Variants in ITGAM observed in about 807,000 individuals in gnomAD.
The protein encoded by ITGAM is integrin alpha-M.
ITGAM carries 79 observed loss-of-function variants against 137.5 expected under a neutral mutation model. That is an observed-to-expected ratio of 0.57 (90% confidence interval 0.48 to 0.69). The LOEUF is 0.69. Among genes scored for constraint, ITGAM ranks in the 30% least tolerant of loss-of-function variants. The pLI, the probability that ITGAM is intolerant of heterozygous loss-of-function variation, is 0.00. For synonymous variants in ITGAM, 583 were observed against 592.3 expected (o/e 0.98, Z 0.23); for missense variants, 1,343 against 1,483.5 (o/e 0.91, Z 1.56).
At chr16:31,280,212 C>T (rs896198909) in intron 12 of ITGAM, among the ~76,000 whole-genome samples, 3 of 152,152 alleles carry the variant, frequency 2.0e-5, no homozygotes, top group African/African-American at 4.8e-5. Context: ...ATTGACTTGG[C>T]AATGTGGGCT....
In ITGAM at chr16:31,277,538, A is replaced by C. The variant is rs41529552; in HGVS notation, c.1214-429A>C. Among the ~76,000 whole-genome samples the C allele has an allele frequency of 7.7e-3, 1,168 of 152,104 alleles. 21 individuals are homozygous for C. The highest frequency in any genetic ancestry group is 0.027 in the African/African-American group (1,122 of 41,506). On this transcript the variant is annotated intron_variant, in intron 11 of 29. Coordinates refer to ENST00000544665, the MANE Select transcript of ITGAM (RefSeq NM_000632.4). ...CATGCCCAGCTAATTTTGTATTTTT[A>C]GTAGAGATGGGATTTCTCCATGTCG...
At chr16:31,330,668 G>A in intron 28 of ITGAM, 63 bp downstream of exon 28, 1 of 1,197,530 alleles carries the variant, frequency 8.4e-7, no homozygotes, top group African/African-American at 1.5e-5. Context: ...GGAGATTTCT[G>A]GGGGAGGAGA....
In ITGAM at chr16:31,266,108, C is replaced by A. The variant is rs1436816980; in HGVS notation, c.388C>A (p.Leu130Ile). ...GCTCTGCTTCCTGTTTGGATCCAAC[C>A]TACGGCAGCAGCCCCAGAAGTTCCC... The part of the protein sequence containing the change: ...KGLCFLFGSN[L>I]RQQPQKFPEA... Residue 130 changes from leucine (L) to isoleucine (I), a missense_variant, in exon 5 of 30, where the codon CTA becomes ATA. By Grantham distance (5) the Leu-to-Ile change is conservative. Transcript: ENST00000544665. 3 of 1,613,790 alleles carry A rather than the reference C, an allele frequency of 1.9e-6. No homozygotes were observed. Among genetic ancestry groups the A allele is most frequent in the Non-Finnish European group, 2.5e-6 (3 of 1,179,884 alleles).
intron 12 of ITGAM, among the ~76,000 whole-genome samples, chr16:31,295,335 A>G (rs931328707): frequency 3.3e-5 from 5 of 152,074 alleles, no homozygotes; most frequent in Non-Finnish European, 7.4e-5. Flanking sequence ...TGAACATAGG[A>G]TATCTTTCCA....
chr16:31,314,268 A>C (rs188965414), intron 14 of ITGAM, among the ~76,000 whole-genome samples: 437 of 152,032 alleles, frequency 2.9e-3, no homozygotes, highest in African/African-American at 0.01. Flanking sequence ...CTTTTGTTGC[A>C]ATTGCTTTTG....
In ITGAM at chr16:31,262,369, T is replaced by A. The variant is rs577881684; in HGVS notation, c.134+572T>A. Among the ~76,000 whole-genome samples, 156 of 138,790 alleles carry A rather than the reference T, an allele frequency of 1.1e-3. 1 individual carries two copies. Among genetic ancestry groups the A allele is most frequent in the African/African-American group, 3.7e-3 (138 of 37,648 alleles). 91.1% of individuals were successfully genotyped at this position (138,790 alleles called of 152,430 possible). On this transcript the variant is annotated intron_variant, in intron 2 of 29. Coordinates refer to ENST00000544665, the MANE Select transcript of ITGAM (RefSeq NM_000632.4). ...CTTCCTTCCTTCCTTCCTTCCTTCC[T>A]TCCTTCCTTCCTTCCTTCCTTCCTT...
intron 1 of ITGAM, among the ~76,000 whole-genome samples, chr16:31,261,431 G>A (rs183219243): frequency 2.0e-5 from 3 of 151,720 alleles, no homozygotes; most frequent in East Asian, 1.9e-4. Flanking sequence ...ATCCTCCCAC[G>A]TCAGCCTCTT....
intron 9 of ITGAM, 21 bp from the exon 10 acceptor site, chr16:31,276,650 A>G (rs867321179): frequency 6.3e-7 from 1 of 1,589,944 alleles, no homozygotes; most frequent in Non-Finnish European, 8.6e-7. Context: ...TCTTTAATAT[A>G]GAAACTTCTC....
intron 5 of ITGAM, among the ~76,000 whole-genome samples, chr16:31,269,080 G>A (rs971038821): frequency 3.9e-5 from 6 of 152,156 alleles, no homozygotes; most frequent in South Asian, 4.1e-4. Context: ...TTGGTAGGTC[G>A]CGGGGGAAGC....
At chr16:31,286,322 T>G (rs2080029354) in intron 12 of ITGAM, among the ~76,000 whole-genome samples, 1 of 152,202 alleles carries the variant, frequency 6.6e-6, no homozygotes, top group African/African-American at 2.4e-5. Flanking sequence ...AGCATGTATC[T>G]TTTTGATAGA....
Position 31,325,695 on chromosome 16 carries a change from T to G in ITGAM, c.2628+73T>G. ...GGATTCTTTTCTTCTTCTTCTCTTC[T>G]TTAGTAGTGGTTCCTTTTTGTACAA... On this transcript the variant is annotated intron_variant, in intron 21 of 29. Coordinates refer to ENST00000544665, the MANE Select transcript of ITGAM (RefSeq NM_000632.4). 5 of 1,534,674 alleles carry G rather than the reference T, an allele frequency of 3.3e-6. No individual in the cohort carries two copies. The South Asian group carries it at 3.7e-5, about 11-fold the overall frequency.
At chr16:31,295,392 T>C (rs147655909) in intron 12 of ITGAM, among the ~76,000 whole-genome samples, 2 of 152,172 alleles carry the variant, frequency 1.3e-5, no homozygotes, top group East Asian at 3.9e-4. Context: ...TTTATAGTTT[T>C]AGTGTACATG....
intron 14 of ITGAM, among the ~76,000 whole-genome samples, chr16:31,310,157 C>T (rs1410019476): frequency 6.6e-6 from 1 of 151,876 alleles, no homozygotes; most frequent in Non-Finnish European, 1.5e-5. Flanking sequence ...TTTGGTGAAT[C>T]TGACAATTAT....
At position 31,328,172 on chromosome 16, in the gene ITGAM, A is replaced by C; in HGVS notation, c.2734A>C (p.Lys912Gln). ...TSENNMPRTN[K>Q]TEFQLELPVK... ...TGAGAACAACATGCCCAGAACCAACAAAACCGAATTCCAACTGGAGCTGCC... is the reference window on the plus strand; with the variant it reads ...TGAGAACAACATGCCCAGAACCAACCAAACCGAATTCCAACTGGAGCTGCC... Residue 912 changes from lysine to glutamine, a missense_variant, in exon 23 of 30, where the codon AAA (lysine) becomes CAA (glutamine). Coordinates refer to ENST00000544665, the MANE Select transcript of ITGAM (RefSeq NM_000632.4). The C allele has an allele frequency of 2.5e-6, 4 of 1,613,990 alleles. No individual in the cohort carries two copies. The highest frequency in any genetic ancestry group is 3.4e-6 in the Non-Finnish European group (4 of 1,179,870).
intron 11 of ITGAM, 59 bp downstream of exon 11, chr16:31,277,108 T>C: frequency 6.8e-7 from 1 of 1,468,936 alleles, no homozygotes; most frequent in Non-Finnish European, 9.3e-7. Flanking sequence ...ATAAGTCAAC[T>C]AGCATAGATG....
At chr16:31,265,086 C>T (rs2079749152) in intron 2 of ITGAM, among the ~76,000 whole-genome samples, 1 of 152,020 alleles carries the variant, frequency 6.6e-6, no homozygotes, top group African/African-American at 2.4e-5. Flanking sequence ...CCAGGCTGAT[C>T]TTGAACTCCT....
intron 14 of ITGAM, among the ~76,000 whole-genome samples, chr16:31,314,109 C>T (rs1187979047): frequency 1.3e-5 from 2 of 151,636 alleles, no homozygotes; most frequent in Non-Finnish European, 2.9e-5. Flanking sequence ...GTTTATGTTC[C>T]TTGTAGATTC....
At chr16:31,300,395 C>T (rs1438102993) in intron 14 of ITGAM, among the ~76,000 whole-genome samples, 4 of 152,174 alleles carry the variant, frequency 2.6e-5, no homozygotes, top group African/African-American at 9.7e-5. Context: ...TGCAGTCTCG[C>T]CAACAGTGTG....
At chr16:31,266,663 T>C (rs968576644) in intron 5 of ITGAM, among the ~76,000 whole-genome samples, 1 of 151,886 alleles carries the variant, frequency 6.6e-6, no homozygotes, top group African/African-American at 2.4e-5. Flanking sequence ...CAAGTTATGA[T>C]TGCACCACTG....
Sources: allele counts gnomAD v4.1 joint callset (sites outside exome capture counted in the v4.1 genomes callset), GRCh38; gene constraint gnomAD v4.1.1; transcripts MANE v1.5; gene names NCBI Gene and HGNC (gene_info 2026-07-23, HGNC 2026-07-21).